Variants in GNAT3 observed in about 807,000 individuals in gnomAD.
The protein encoded by GNAT3 is G protein subunit alpha transducin 3, also known as guanine nucleotide-binding protein G(t) subunit alpha-3.
In GNAT3, 31 loss-of-function variants were observed where a neutral mutation model predicts 37.7. The ratio of observed to expected loss-of-function variants is 0.82; its 90% CI spans 0.62 to 1.11. GNAT3 has a LOEUF of 1.11. GNAT3 is among the 50% of genes most tolerant of loss of function. The pLI, the probability that GNAT3 is intolerant of heterozygous loss-of-function variation, is 0.00. For missense variants in GNAT3, 437 were observed against 412.5 expected (o/e 1.06, Z -0.51); for synonymous variants, 138 against 139.8 (o/e 0.99, Z 0.09).
chr7:80,482,310 C>T (rs1277112386), intron 3 of GNAT3, among the ~76,000 whole-genome samples: 1 of 152,124 alleles, frequency 6.6e-6, no homozygotes, highest in Non-Finnish European at 1.5e-5. Flanking sequence ...ATGCTATTGG[C>T]TCCTTCCACT....
At chr7:80,489,562 T>A (rs1790552761) in intron 2 of GNAT3, among the ~76,000 whole-genome samples, 2 of 152,132 alleles carry the variant, frequency 1.3e-5, no homozygotes, top group Non-Finnish European at 2.9e-5. Flanking sequence ...TTTAATGTCT[T>A]TGAAGATATT....
chr7:80,503,832 G>A (rs922023900), intron 1 of GNAT3, among the ~76,000 whole-genome samples: 1 of 152,180 alleles, frequency 6.6e-6, no homozygotes, highest in Non-Finnish European at 1.5e-5. Flanking sequence ...AAGAATTTTA[G>A]AGTCATATCA....
chr7:80,488,880 T>C (rs1352010859), intron 2 of GNAT3, among the ~76,000 whole-genome samples: 1 of 152,176 alleles, frequency 6.6e-6, no homozygotes, highest in African/African-American at 2.4e-5. Context: ...CTTTCTGGGC[T>C]ACCCATGATA....
chr7:80,499,716 CT>C (rs1489686806), intron 1 of GNAT3, among the ~76,000 whole-genome samples: 3 of 152,206 alleles, frequency 2.0e-5, no homozygotes, highest in Non-Finnish European at 2.9e-5. Context: ...ATTCTCTGTC[CT>C]TTGCACATGA....
intron 2 of GNAT3, among the ~76,000 whole-genome samples, chr7:80,491,999 AT>A (rs1790600902): frequency 6.6e-6 from 1 of 152,164 alleles, no homozygotes; most frequent in Admixed American, 6.5e-5. Flanking sequence ...ATGCTCTCTC[AT>A]TTTAAAAAAG....
At chr7:80,504,325 G>A (rs191431978) in intron 1 of GNAT3, among the ~76,000 whole-genome samples, 123 of 152,082 alleles carry the variant, frequency 8.1e-4, no homozygotes, top group Middle Eastern at 3.4e-3. Context: ...AAAAAAGAGA[G>A]AGAAAATTAT....
chr7:80,500,082 CT>C (rs1260389250), intron 1 of GNAT3, among the ~76,000 whole-genome samples: 1 of 152,066 alleles, frequency 6.6e-6, no homozygotes, highest in Non-Finnish European at 1.5e-5. Flanking sequence ...GAGCCAATGT[CT>C]TTCCGAAATG....
rs6467199 is a variant in GNAT3, at chr7:80,478,800, A to C, written c.461+41T>G. 7.3e-3 allele frequency: 11,471 copies of C among 1,579,108 alleles called. 181 individuals are homozygous for C. Among genetic ancestry groups the C allele is most frequent in the African/African-American group, 0.057 (4,205 of 73,930 alleles). The stretch of plus-strand genomic sequence containing the variant: ...TGCAGAATTATAATTCTTAATTTTA[A>C]ATGTTTTACCTCCAATTCCCCTTAA... On this transcript the variant is annotated intron_variant, in intron 4 of 7. Transcript: ENST00000398291.
chr7:80,489,811 A>G (rs1260105529), intron 2 of GNAT3, among the ~76,000 whole-genome samples: 6 of 152,168 alleles, frequency 3.9e-5, no homozygotes, highest in Admixed American at 6.6e-5. Context: ...TAAGTTTATT[A>G]AAGAAATCCC....
At chr7:80,490,355 A>G (rs182865983) in intron 2 of GNAT3, among the ~76,000 whole-genome samples, 1 of 152,296 alleles carries the variant, frequency 6.6e-6, no homozygotes, top group African/African-American at 2.4e-5. Flanking sequence ...CTATCATCCC[A>G]CAAAGTTCTG....
chr7:80,505,208 C>T (rs941192629), intron 1 of GNAT3, among the ~76,000 whole-genome samples: 1 of 152,006 alleles, frequency 6.6e-6, no homozygotes, highest in African/African-American at 2.4e-5. Context: ...TAGAAGATTA[C>T]GGAGGTGAAA....
At chr7:80,495,450 G>C (rs1790698145) in intron 1 of GNAT3, among the ~76,000 whole-genome samples, 1 of 149,992 alleles carries the variant, frequency 6.7e-6, no homozygotes, top group Non-Finnish European at 1.5e-5. Flanking sequence ...GTCTCTCACT[G>C]TAGTTTTTTT....
chr7:80,511,533 T>C (rs1236687117), intron 1 of GNAT3, among the ~76,000 whole-genome samples: 1 of 152,126 alleles, frequency 6.6e-6, no homozygotes, highest in Non-Finnish European at 1.5e-5. Flanking sequence ...TAAATGTATC[T>C]GATTTTTATT....
rs757076224 is a variant in GNAT3 at position 80,511,852 on chromosome 7, C to A, written c.75G>T (p.Glu25Asp). The A allele has an allele frequency of 1.9e-6, 3 of 1,612,154 alleles. No individual in the cohort carries two copies. The highest frequency in any genetic ancestry group is 2.7e-5 in the African/African-American group (2 of 74,868). ...RSKELEKKLQ[E>D]DAERDARTVK... ...CGGTTCTTGCATCTCGCTCAGCATC[C>A]TCCTGAAGCTTTTTCTCCAGTTCTT... Residue 25 changes from glutamate (E) to aspartate (D), a missense_variant, in exon 1 of 8, where the codon GAG becomes GAT. By Grantham distance (45) the Glu-to-Asp change is conservative. Coordinates refer to ENST00000398291, the MANE Select transcript of GNAT3 (RefSeq NM_001102386.3).
At chr7:80,496,853 CTT>C (rs34567388) in intron 1 of GNAT3, among the ~76,000 whole-genome samples, 5 of 136,852 alleles carry the variant, frequency 3.7e-5, no homozygotes, top group Admixed American at 7.3e-5. Context: ...GACAACTTTT[CTT>C]TTTTTTTTTT....
chr7:80,468,663 G>A (rs1355314934), intron 5 of GNAT3, among the ~76,000 whole-genome samples: 1 of 152,134 alleles, frequency 6.6e-6, no homozygotes, highest in Non-Finnish European at 1.5e-5. Context: ...TTCTGGTCTT[G>A]AAAACAGAGA....
Position 80,462,205 on chromosome 7 carries a change from T to G in GNAT3, c.828A>C (p.Glu276Asp), listed in dbSNP as rs749041022. Residue 276 changes from glutamate (E) to aspartate (D), a missense_variant, in exon 7 of 8, where the codon GAA (glutamate) becomes GAC (aspartate). Transcript: ENST00000398291. Reference sequence around the variant, plus strand: ...TACTAAGATGCACCTTGGTTACCTTTTCTTGAAAGATATCTTTTTTGTTGA... The same window carrying G: ...TACTAAGATGCACCTTGGTTACCTTGTCTTGAAAGATATCTTTTTTGTTGA... ...LFLNKKDIFQ[E>D]KVTKVHLSIC... is the part of the protein sequence containing the mutation. 1.7e-5 allele frequency: 27 copies of G among 1,599,820 alleles called. No individual in the cohort carries two copies. The highest frequency in any genetic ancestry group is 1.6e-4 in the Admixed American group (9 of 57,672).
Position 80,511,928 on chromosome 7 carries a change from T to G in GNAT3, c.-2A>C. 6.3e-7 allele frequency: 1 copy of G among 1,592,690 alleles called. No individual in the cohort carries two copies. Among genetic ancestry groups the G allele is most frequent in the Non-Finnish European group, 8.6e-7 (1 of 1,161,996 alleles). ...CTCTGAACTAATTCCACTTCCCATC[T>G]TGTGGTGGTAGATACTTGTCAGTTT... On this transcript the variant is annotated 5_prime_UTR_variant, in exon 1 of 8. Transcript: ENST00000398291.
intron 2 of GNAT3, among the ~76,000 whole-genome samples, chr7:80,492,067 T>C (rs1387842001): frequency 6.6e-6 from 1 of 151,890 alleles, no homozygotes; most frequent in Non-Finnish European, 1.5e-5. Flanking sequence ...CAGTGGCTCA[T>C]GCCTGTAATC....
Sources: gnomAD v4.1 joint callset for allele counts (sites outside exome capture counted in the v4.1 genomes callset) on GRCh38, gnomAD v4.1.1 for gene constraint, MANE v1.5 for transcripts, NCBI Gene and HGNC (gene_info 2026-07-23, HGNC 2026-07-21) for gene names.